DOK6: variants seen among roughly 807,000 people sequenced by gnomAD.
DOK6 encodes downstream of tyrosine kinase 6.
Under a neutral mutation model 44.0 loss-of-function variants are expected in DOK6, and 22 were observed. The ratio of observed to expected loss-of-function variants is 0.50; its 90% CI spans 0.36 to 0.71. The LOEUF is 0.71. Among genes scored for constraint, DOK6 ranks in the 30% least tolerant of loss-of-function variants. DOK6 has a pLI of 0.00. For synonymous variants in DOK6, 166 were observed against 145.5 expected (o/e 1.14, Z -1.01); for missense variants, 340 against 416.4 (o/e 0.82, Z 1.60).
chr18:69,456,908 T>C (rs1014924670), intron 1 of DOK6, among the ~76,000 whole-genome samples: 3 of 152,208 alleles, frequency 2.0e-5, no homozygotes, highest in African/African-American at 7.2e-5. Context: ...TTAATGATGA[T>C]GAGCATTTTT....
rs115165204 is a variant in DOK6 at position 69,678,953 on chromosome 18, G to A, written c.409+1100G>A. Among the ~76,000 whole-genome samples, 784 of 152,298 alleles carry A rather than the reference G, an allele frequency of 5.1e-3. 5 individuals are homozygous for A. The highest frequency in any genetic ancestry group is 0.018 in the African/African-American group (767 of 41,552). On this transcript the variant is annotated intron_variant, in intron 4 of 7. Coordinates refer to ENST00000382713, the MANE Select transcript of DOK6 (RefSeq NM_152721.6). ...AGCACTTTAGGAGGCAGTGGTGGGTGGATTGCTTGAGCTCAGAAGTTCAAG... is the reference window on the plus strand; with the variant it reads ...AGCACTTTAGGAGGCAGTGGTGGGTAGATTGCTTGAGCTCAGAAGTTCAAG...
At chr18:69,415,373 G>A (rs1381773590) in intron 1 of DOK6, among the ~76,000 whole-genome samples, 1 of 151,714 alleles carries the variant, frequency 6.6e-6, no homozygotes, top group African/African-American at 2.4e-5. Flanking sequence ...ATTCTCTCAT[G>A]AAACTCAGGT....
intron 1 of DOK6, among the ~76,000 whole-genome samples, chr18:69,526,093 A>G: frequency 6.6e-6 from 1 of 152,130 alleles, no homozygotes; most frequent in East Asian, 1.9e-4. Context: ...TAATTCATAT[A>G]TTATAGAATT....
In DOK6 at chr18:69,605,162, A is replaced by G. The variant is rs146579351; in HGVS notation, c.289+5664A>G. On this transcript the variant is annotated intron_variant, in intron 3 of 7. Coordinates refer to ENST00000382713, the MANE Select transcript of DOK6 (RefSeq NM_152721.6). Reference sequence around the variant, plus strand: ...AGCTGAGACCAAATCATTTTGCAGCATTCAAGAAGTATTGGTCATTTTTAA... The same window carrying G: ...AGCTGAGACCAAATCATTTTGCAGCGTTCAAGAAGTATTGGTCATTTTTAA... 3.1e-3 allele frequency among the ~76,000 whole-genome samples: 474 copies of G among 150,540 alleles called. 4 individuals are homozygous for G. The highest frequency in any genetic ancestry group is 0.011 in the African/African-American group (441 of 40,808).
chr18:69,456,772 G>A (rs565624252), intron 1 of DOK6, among the ~76,000 whole-genome samples: 1 of 152,278 alleles, frequency 6.6e-6, no homozygotes, highest in East Asian at 1.9e-4. Flanking sequence ...TACGAAAAGT[G>A]TATAAGTGTT....
chr18:69,411,814 G>T (rs970363988), intron 1 of DOK6, among the ~76,000 whole-genome samples: 1 of 152,046 alleles, frequency 6.6e-6, no homozygotes, highest in Non-Finnish European at 1.5e-5. Context: ...TTACTCGTAT[G>T]TAAGGAAGCA....
At chr18:69,742,080 A>T (rs904232712) in intron 6 of DOK6, among the ~76,000 whole-genome samples, 2 of 152,130 alleles carry the variant, frequency 1.3e-5, no homozygotes, top group African/African-American at 4.8e-5. Context: ...CTGAATTAGG[A>T]CATTTCTATT....
intron 3 of DOK6, among the ~76,000 whole-genome samples, chr18:69,655,761 C>CAAAAAAAAAAAA (rs74175379): frequency 9.3e-4 from 40 of 43,156 alleles, no homozygotes; most frequent in Non-Finnish European, 1.3e-3. Flanking sequence ...CCCCACCCCT[C>CAAAAAAAAAAAA]AAAAAAAAAA....
chr18:69,576,645 A>G (rs1983245208), intron 2 of DOK6, among the ~76,000 whole-genome samples: 1 of 152,160 alleles, frequency 6.6e-6, no homozygotes, highest in Non-Finnish European at 1.5e-5. Context: ...CTGCTATAAA[A>G]TGGTATATAC....
intron 3 of DOK6, among the ~76,000 whole-genome samples, chr18:69,627,043 TATAGA>T (rs1984572152): frequency 6.6e-6 from 1 of 152,126 alleles, no homozygotes; most frequent in Non-Finnish European, 1.5e-5. Flanking sequence ...TTGCTGGCCT[TATAGA>T]CCTGGGTAAA....
Position 69,443,633 on chromosome 18 carries a change from CA to C in DOK6, c.66+42327del, listed in dbSNP as rs971780989. Among the ~76,000 whole-genome samples, 38 of 152,222 alleles carry C rather than the reference CA, an allele frequency of 2.5e-4. No individual in the cohort carries two copies. The East Asian group carries it at 7.2e-3, about 29-fold the overall frequency. The stretch of plus-strand genomic sequence containing the variant: ...CAGTCTAAACTCCTTAGTGTGACTT[CA>C]AAACCATTCAGGAGCCGTCTCTTAC... On this transcript the variant is annotated intron_variant, in intron 1 of 7. Coordinates refer to ENST00000382713, the MANE Select transcript of DOK6 (RefSeq NM_152721.6).
intron 4 of DOK6, among the ~76,000 whole-genome samples, chr18:69,693,607 G>A (rs1986317771): frequency 6.6e-6 from 1 of 152,076 alleles, no homozygotes. Flanking sequence ...TCAAGGGGTT[G>A]TTTGAAGGAC....
intron 1 of DOK6, among the ~76,000 whole-genome samples, chr18:69,442,753 T>G (rs994602767): frequency 6.6e-6 from 1 of 152,222 alleles, no homozygotes; most frequent in South Asian, 2.1e-4. Flanking sequence ...TACTTATATA[T>G]GTTGCTTATT....
At chr18:69,729,233 G>A (rs975737792) in intron 5 of DOK6, among the ~76,000 whole-genome samples, 2 of 151,926 alleles carry the variant, frequency 1.3e-5, no homozygotes, top group Non-Finnish European at 2.9e-5. Flanking sequence ...CTAAATACAG[G>A]TCAATTCCCT....
chr18:69,634,918 C>T (rs1450045003), intron 3 of DOK6, among the ~76,000 whole-genome samples: 2 of 152,152 alleles, frequency 1.3e-5, no homozygotes, highest in African/African-American at 4.8e-5. Context: ...TCAGTAAACT[C>T]TTTCGACCTA....
At chr18:69,738,928 T>A (rs1302670913) in intron 5 of DOK6, 37 bp from the exon 6 acceptor site, 1 of 1,610,572 alleles carries the variant, frequency 6.2e-7, no homozygotes, top group African/African-American at 1.3e-5. Context: ...CTTGAACACA[T>A]GGAGACCCAT....
chr18:69,611,407 C>T (rs2144630883), intron 3 of DOK6, among the ~76,000 whole-genome samples: 1 of 151,872 alleles, frequency 6.6e-6, no homozygotes, highest in East Asian at 1.9e-4. Flanking sequence ...GGCAGCTTCT[C>T]ATAAAATTAA....
chr18:69,542,874 A>G (rs1029405479), intron 1 of DOK6, among the ~76,000 whole-genome samples: 1 of 151,602 alleles, frequency 6.6e-6, no homozygotes. Flanking sequence ...GCAAGGTGCC[A>G]TGGTCTCAAA....
Position 69,691,170 on chromosome 18 carries a change from C to T in DOK6, c.410-7234C>T, listed in dbSNP as rs187803253. ...TGCACTCCAGCCCGGGCGACAAGAG[C>T]GAAACTCTGTCTCAAAATAAATAAA... On this transcript the variant is annotated intron_variant, in intron 4 of 7. Coordinates refer to ENST00000382713, the MANE Select transcript of DOK6 (RefSeq NM_152721.6). Among the ~76,000 whole-genome samples, 23 of 146,410 alleles carry T rather than the reference C, an allele frequency of 1.6e-4. No homozygotes were observed. The South Asian group carries it at 3.0e-3, about 19-fold the overall frequency.
Sources: allele counts gnomAD v4.1 joint callset (sites outside exome capture counted in the v4.1 genomes callset), GRCh38; gene constraint gnomAD v4.1.1; transcripts MANE v1.5; gene names NCBI Gene and HGNC (gene_info 2026-07-23, HGNC 2026-07-21).